Variants in HMGA2 observed in about 807,000 individuals in gnomAD.
HMGA2 encodes high mobility group protein HMGI-C.
HMGA2 carries 8 observed loss-of-function variants against 19.1 expected under a neutral mutation model. The observed-to-expected ratio is 0.42, with a 90% CI of 0.25 to 0.76. The LOEUF (loss-of-function observed/expected upper bound fraction) is 0.76, where lower values mean the gene tolerates loss of function less well. Ranked by LOEUF, HMGA2 falls within the 30% of genes least tolerant of loss-of-function variation. The pLI is 0.28. For missense variants in HMGA2, 109 were observed against 136.3 expected, an observed-to-expected ratio of 0.80 and a Z score of 1.00; for synonymous variants, 60 against 48.8, an observed-to-expected ratio of 1.23 and a Z score of -0.96.
intron 3 of HMGA2, among the ~76,000 whole-genome samples, chr12:65,941,704 A>G (rs1395359002): frequency 6.6e-6 from 1 of 152,222 alleles, no homozygotes; most frequent in East Asian, 1.9e-4. Context: ...TTCAGTTTCC[A>G]TGTGTAACTG....
chr12:65,852,916 C>T (rs1871548042), intron 3 of HMGA2, among the ~76,000 whole-genome samples: 2 of 152,218 alleles, frequency 1.3e-5, no homozygotes, highest in African/African-American at 4.8e-5. Flanking sequence ...TAGAATTCGT[C>T]TCTTAAGACA....
chr12:65,858,051 C>CAGCT (rs1436309171), intron 3 of HMGA2: 1 of 152,684 alleles, frequency 6.5e-6, no homozygotes, highest in African/African-American at 2.4e-5. Context: ...GATTAATGAC[C>CAGCT]AGCTGGGAGG....
chr12:65,851,560 G>T (rs1421988312), intron 3 of HMGA2: 2 of 362,792 alleles, frequency 5.5e-6, no homozygotes, highest in Admixed American at 3.4e-5. Flanking sequence ...TGTGGTGGCG[G>T]GCACCTGTAA....
intron 3 of HMGA2, chr12:65,948,623 G>A (rs1191406151): frequency 6.6e-6 from 1 of 152,368 alleles, no homozygotes; most frequent in Non-Finnish European, 1.5e-5. Flanking sequence ...CCAGAGGCTG[G>A]GAAAACATCC....
In HMGA2 at chr12:65,964,337, CTCTT is replaced by C. The variant is rs1048709277; in HGVS notation, c.*1046_*1049del. On this transcript the variant is annotated 3_prime_UTR_variant, in exon 5 of 5. Coordinates refer to ENST00000403681, the MANE Select transcript of HMGA2 (RefSeq NM_003483.6). Reference sequence around the variant, plus strand: ...TCTCTCTCTGTGTCTTTCTCTCTCTCTCTTCCTCTCCCTCTCTCTTTTCATTGTG... The same window carrying C: ...TCTCTCTCTGTGTCTTTCTCTCTCTCCCTCTCCCTCTCTCTTTTCATTGTG... 12 of 210,804 alleles carry C rather than the reference CTCTT, an allele frequency of 5.7e-5. No individual in the cohort carries two copies. The highest frequency in any genetic ancestry group is 1.4e-3 in the Middle Eastern group (1 of 714). 13.1% of individuals were successfully genotyped at this position (210,804 alleles called of 1,614,324 possible). A position where few individuals can be genotyped will look rare whatever the true frequency, so the allele number is the denominator to read the frequency against.
At chr12:65,901,833 C>T (rs949808150) in intron 3 of HMGA2, among the ~76,000 whole-genome samples, 3 of 151,900 alleles carry the variant, frequency 2.0e-5, no homozygotes, top group Non-Finnish European at 4.4e-5. Flanking sequence ...TTTTTAGATC[C>T]TTGTTATTCG....
rs535284166 is a variant in HMGA2 at position 65,965,456 on chromosome 12, G to A, written c.*2164G>A. The A allele has an allele frequency of 4.9e-6, 1 of 205,130 alleles. No homozygotes were observed. The highest frequency in any genetic ancestry group is 1.0e-5 in the Non-Finnish European group (1 of 99,940). 12.7% of individuals were successfully genotyped at this position (205,130 alleles called of 1,614,324 possible). ...TGTCAGTATGGCTTTTAGTACTGAA[G>A]CCAAATGAAACTCAAAACCATCTCT... On this transcript the variant is annotated 3_prime_UTR_variant, in exon 5 of 5. Transcript: ENST00000403681.
intron 3 of HMGA2, among the ~76,000 whole-genome samples, chr12:65,948,947 C>T (rs947234913): frequency 6.6e-6 from 1 of 152,164 alleles, no homozygotes; most frequent in Non-Finnish European, 1.5e-5. Flanking sequence ...AGGAACCAGT[C>T]AGCCTGCAAG....
chr12:65,875,200 C>T lies in HMGA2; in HGVS notation c.249+36631C>T, dbSNP rs145116800. On this transcript the variant is annotated intron_variant, in intron 3 of 4. Transcript: ENST00000403681. ...ATATGAGAAAATATACTGACAGTGG[C>T]TCAGTACCTGCTTGCTTTGCTTGTC... Among the ~76,000 whole-genome samples the T allele has an allele frequency of 2.0e-5, 3 of 152,260 alleles. No individual in the cohort carries two copies. The East Asian group carries it at 5.8e-4, about 29-fold the overall frequency.
In HMGA2 at chr12:65,825,325, C is replaced by T. The variant is rs1172122751; in HGVS notation, c.55C>T (p.Pro19Ser). The T allele has an allele frequency of 7.1e-6, 11 of 1,538,616 alleles. No homozygotes were observed. Among genetic ancestry groups the T allele is most frequent in the Non-Finnish European group, 8.7e-6 (10 of 1,146,226 alleles). The change falls in exon 1 of 5, where the codon CCT (proline) becomes TCT (serine). Residue 19 changes from proline (P) to serine (S), a missense_variant. Pro to Ser is a moderately conservative substitution (Grantham distance 74, BLOSUM62 -1). Transcript: ENST00000403681. This position sits in a 1 kb window ranked among gnomAD's most constrained non-coding sequence, Gnocchi z 4.4. ...GCCGTCCACTTCAGCCCAGGGACAA[C>T]CTGCCGCCCCAGCGCCTCAGAAGAG... ...GQPSTSAQGQ[P>S]AAPAPQKRGR...
chr12:65,925,247 C>A (rs1875466125), intron 3 of HMGA2, among the ~76,000 whole-genome samples: 1 of 152,174 alleles, frequency 6.6e-6, no homozygotes, highest in East Asian at 1.9e-4. Context: ...GTGACTCTAA[C>A]TATTCTTCAT....
chr12:65,924,596 G>A (rs1021783395), intron 3 of HMGA2, among the ~76,000 whole-genome samples: 1 of 152,084 alleles, frequency 6.6e-6, no homozygotes, highest in Admixed American at 6.6e-5. Flanking sequence ...TCAAGAGATC[G>A]AGACCATCCT....
At position 65,900,317 on chromosome 12, in the gene HMGA2, T is replaced by C. The variant is rs191214521; in HGVS notation, c.250-51066T>C. Among the ~76,000 whole-genome samples the C allele has an allele frequency of 6.0e-4, 92 of 152,304 alleles. No homozygotes were observed. In the Middle Eastern group the frequency reaches 0.01, roughly 17 times the overall value. ...GATTTTGTTAAGAAAATACTAGATCTTACATGACTAAATGGCACGCTACTA... is the reference window on the plus strand; with the variant it reads ...GATTTTGTTAAGAAAATACTAGATCCTACATGACTAAATGGCACGCTACTA... On this transcript the variant is annotated intron_variant, in intron 3 of 4. Transcript: ENST00000403681.
chr12:65,940,150 G>A (rs563697870), intron 3 of HMGA2, among the ~76,000 whole-genome samples: 4 of 151,996 alleles, frequency 2.6e-5, no homozygotes, highest in Middle Eastern at 3.4e-3. Context: ...CATTTATCAC[G>A]GATATTTTAG....
intron 3 of HMGA2, among the ~76,000 whole-genome samples, chr12:65,885,362 G>T (rs1211946141): frequency 6.6e-6 from 1 of 152,032 alleles, no homozygotes; most frequent in African/African-American, 2.4e-5. Flanking sequence ...ACAAAGGATT[G>T]TTGTTATGTT....
At chr12:65,877,135 G>C (rs979091259) in intron 3 of HMGA2, 5 of 152,142 alleles carry the variant, frequency 3.3e-5, no homozygotes, top group African/African-American at 7.2e-5. Flanking sequence ...TGTTTGAACT[G>C]ATAAGAACAA....
At chr12:65,884,514 C>G (rs980842208) in intron 3 of HMGA2, among the ~76,000 whole-genome samples, 1 of 152,194 alleles carries the variant, frequency 6.6e-6, no homozygotes, top group Non-Finnish European at 1.5e-5. Flanking sequence ...AGTATATCTA[C>G]TTTTGCTGTC....
chr12:65,832,406 C>G (rs1870517457), intron 2 of HMGA2, among the ~76,000 whole-genome samples: 1 of 152,028 alleles, frequency 6.6e-6, no homozygotes, highest in Non-Finnish European at 1.5e-5. Context: ...ATTTCTCTGG[C>G]TGACCTACAT....
chr12:65,869,970 C>G (rs142335120), intron 3 of HMGA2, among the ~76,000 whole-genome samples: 17 of 152,144 alleles, frequency 1.1e-4, no homozygotes, highest in African/African-American at 3.9e-4. Flanking sequence ...AGTTTTTCAG[C>G]CCTTCTCACA....
Sources: allele counts gnomAD v4.1 joint callset (sites outside exome capture counted in the v4.1 genomes callset), GRCh38; gene constraint gnomAD v4.1.1; non-coding constraint Gnocchi (gnomAD v3.1); transcripts MANE v1.5; gene names NCBI Gene and HGNC (gene_info 2026-07-23, HGNC 2026-07-21).